The following RFC1 variants were observed in gnomAD, a reference collection of about 807,000 sequenced individuals.
RFC1 encodes replication factor C subunit 1, also known as A1 140 kDa subunit.
A neutral mutation model predicts 137.4 loss-of-function variants in RFC1; 37 were observed. The observed-to-expected ratio is 0.27, with a 90% CI of 0.21 to 0.35. The LOEUF (loss-of-function observed/expected upper bound fraction) is 0.35, where lower values mean the gene tolerates loss of function less well. RFC1 is among the 10% of genes least tolerant of loss of function. RFC1 has a pLI of 1.00. For synonymous variants in RFC1, 429 were observed against 455.7 expected (o/e 0.94, Z 0.75); for missense variants, 1,205 against 1,358.5 (o/e 0.89, Z 1.78).
chr4:39,335,498 AT>A (rs1209705815), intron 4 of RFC1, among the ~76,000 whole-genome samples: 1 of 152,230 alleles, frequency 6.6e-6, no homozygotes, highest in African/African-American at 2.4e-5. Context: ...TATTTTTAAA[AT>A]AAACCTTATT....
At chr4:39,313,521 T>C (rs1312850905) in intron 10 of RFC1, among the ~76,000 whole-genome samples, 2 of 152,206 alleles carry the variant, frequency 1.3e-5, no homozygotes, top group Non-Finnish European at 2.9e-5. Context: ...AAGAGCTAAG[T>C]AGGATCTTAA....
intron 4 of RFC1, among the ~76,000 whole-genome samples, chr4:39,342,004 CTTAGA>C: frequency 6.6e-6 from 1 of 152,274 alleles, no homozygotes; most frequent in East Asian, 1.9e-4. Context: ...TCACTCTACA[CTTAGA>C]TTATTGACTT....
intron 4 of RFC1, among the ~76,000 whole-genome samples, chr4:39,330,754 T>C (rs1333685322): frequency 6.6e-6 from 1 of 152,204 alleles, no homozygotes; most frequent in Non-Finnish European, 1.5e-5. Context: ...TCACTTCTCT[T>C]CAACTATAGT....
chr4:39,351,961 C>T (rs1330663877), intron 1 of RFC1, among the ~76,000 whole-genome samples: 3 of 133,818 alleles, frequency 2.2e-5, no homozygotes, highest in Non-Finnish European at 3.1e-5. Context: ...AGCAAGACTC[C>T]GTCTCAAAAA....
chr4:39,333,150 A>C (rs1334357840), intron 4 of RFC1, among the ~76,000 whole-genome samples: 1 of 152,226 alleles, frequency 6.6e-6, no homozygotes, highest in East Asian at 1.9e-4. Context: ...ATCTTCTGTA[A>C]AATGTTGGAC....
At chr4:39,320,148 A>G (rs551628076) in intron 9 of RFC1, among the ~76,000 whole-genome samples, 1 of 152,134 alleles carries the variant, frequency 6.6e-6, no homozygotes, top group South Asian at 2.1e-4. Context: ...TCGGGAGTTC[A>G]AGACCAGCCT....
At chr4:39,323,166 C>T in intron 7 of RFC1, 174 bp downstream of exon 7, 2 of 427,930 alleles carry the variant, frequency 4.7e-6, no homozygotes, top group Non-Finnish European at 4.1e-6. Flanking sequence ...TGCCGTCACC[C>T]TTCTTTTAAG....
At position 39,311,474 on chromosome 4, in the gene RFC1, A is replaced by C. The variant is rs753388385; in HGVS notation, c.1459T>G (p.Ser487Ala). Reference sequence around the variant, plus strand: ...GTTTCAACTGCTATTTCATACTTGGATTTCTTGCCTGGCATAGTCCGAATC... The same window carrying C: ...GTTTCAACTGCTATTTCATACTTGGCTTTCTTGCCTGGCATAGTCCGAATC... ...NLIRTMPGKK[S>A]KYEIAVETEM... The change falls in exon 12 of 25, where the codon TCC (serine) becomes GCC (alanine). Residue 487 changes from serine to alanine, a missense_variant. By Grantham distance (99) the Ser-to-Ala change is moderately conservative. Around this residue, in one of 3 missense-constraint regions of RFC1, gnomAD observed 962 missense variants for 1,035.3 expected, o/e 0.93. Coordinates refer to ENST00000349703, the MANE Select transcript of RFC1 (RefSeq NM_002913.5). 2 of 1,614,018 alleles carry C rather than the reference A, an allele frequency of 1.2e-6. No homozygotes were observed. The highest frequency in any genetic ancestry group is 2.2e-5 in the South Asian group (2 of 91,072).
intron 1 of RFC1, chr4:39,365,399 A>C (rs1346229829): frequency 1.1e-6 from 1 of 891,000 alleles, no homozygotes; most frequent in Non-Finnish European, 1.3e-6. Flanking sequence ...CTTCTAGCTT[A>C]ATGAACATTT....
At chr4:39,304,100 T>G (rs148779428) in intron 15 of RFC1, among the ~76,000 whole-genome samples, 14 of 152,256 alleles carry the variant, frequency 9.2e-5, no homozygotes, top group African/African-American at 3.4e-4. Context: ...CGTCTAAGAG[T>G]GACATTTCCT....
At chr4:39,334,982 A>G (rs1197627267) in intron 4 of RFC1, among the ~76,000 whole-genome samples, 1 of 152,184 alleles carries the variant, frequency 6.6e-6, no homozygotes, top group Non-Finnish European at 1.5e-5. Context: ...AATCTATTTA[A>G]AAGGCAAAAA....
chr4:39,290,099 C>T, intron 23 of RFC1, 60 bp from the exon 24 acceptor site: 1 of 1,275,884 alleles, frequency 7.8e-7, no homozygotes, highest in Non-Finnish European at 1.1e-6. Context: ...TTCTTTTAAA[C>T]TCTGTAAGCC....
chr4:39,302,864 C>A lies in RFC1; in HGVS notation c.2213G>T (p.Gly738Val). The A allele has an allele frequency of 6.3e-7, 1 of 1,577,056 alleles. No individual in the cohort carries two copies. The highest frequency in any genetic ancestry group is 8.6e-7 in the Non-Finnish European group (1 of 1,164,666). ...EDRGGIQELIGLIKHTKIPII... is the reference protein window; with the variant it reads ...EDRGGIQELIVLIKHTKIPII... ...GGGAATTTTAGTATGTTTTATCAGG[C>A]CAATTAATTCCTGAAAGGCAAGTTT... The change falls in exon 17 of 25, where the codon GGC (glycine) becomes GTC (valine). Residue 738 changes from glycine (G) to valine (V), a missense_variant. Gly to Val is a moderately radical substitution (Grantham distance 109, BLOSUM62 -3). Around this residue, in one of 3 missense-constraint regions of RFC1, gnomAD observed 962 missense variants for 1,035.3 expected, o/e 0.93. Transcript: ENST00000349703.
chr4:39,326,691 A>C (rs1339657901), intron 5 of RFC1, 51 bp from the exon 6 acceptor site: 2 of 1,456,420 alleles, frequency 1.4e-6, no homozygotes, highest in African/African-American at 1.4e-5. Context: ...TAAGTTAAAA[A>C]TAAGGCACTT....
rs55727769 is a variant in RFC1, at chr4:39,298,307, C to CAAA, written c.2808+1711_2808+1713dup. Among the ~76,000 whole-genome samples, 891 of 111,100 alleles carry CAAA rather than the reference C, an allele frequency of 8.0e-3. 68 individuals carry two copies. The highest frequency in any genetic ancestry group is 0.016 in the Middle Eastern group (3 of 188). 72.9% of individuals were successfully genotyped at this position (111,100 alleles called of 152,430 possible). On this transcript the variant is annotated intron_variant, in intron 21 of 24. Transcript: ENST00000349703. ...TGCCTGACAGAGTGAGACCTTGTCTCAAAAAAAAAAAAAAAAAAAAAAAAA... is the reference window on the plus strand; with the variant it reads ...TGCCTGACAGAGTGAGACCTTGTCTCAAAAAAAAAAAAAAAAAAAAAAAAAAAA...
intron 1 of RFC1, chr4:39,365,597 T>A: frequency 2.2e-6 from 1 of 457,308 alleles, no homozygotes; most frequent in Non-Finnish European, 2.9e-6. Context: ...ATGACAGCTG[T>A]CAAATGTCTT....
chr4:39,353,668 A>G (rs1297241648), intron 1 of RFC1, among the ~76,000 whole-genome samples: 1 of 152,212 alleles, frequency 6.6e-6, no homozygotes, highest in Non-Finnish European at 1.5e-5. Context: ...TTCTGGAGCA[A>G]ATGAGTTTCG....
chr4:39,295,383 T>C (rs1737928710), intron 22 of RFC1, among the ~76,000 whole-genome samples: 1 of 152,254 alleles, frequency 6.6e-6, no homozygotes, highest in Non-Finnish European at 1.5e-5. Context: ...TTATGACATC[T>C]ACCATTTTAT....
In RFC1 at chr4:39,351,292, A is replaced by G. The variant is rs570127069; in HGVS notation, c.132+56T>C. 9.5e-6 allele frequency: 8 copies of G among 842,140 alleles called. No homozygotes were observed. The African/African-American group carries it at 1.5e-4, about 15-fold the overall frequency. The allele number at this position is 842,140 out of a possible 1,614,324, so 52.2% of individuals were successfully genotyped here. The stretch of plus-strand genomic sequence containing the variant: ...AAAAAAAAAAAAAAAAAAACTTATA[A>G]GAACTGAGTTTATTTTACATTTCAT... On this transcript the variant is annotated intron_variant, in intron 2 of 24. Coordinates refer to ENST00000349703, the MANE Select transcript of RFC1 (RefSeq NM_002913.5).
Sources: gnomAD v4.1 joint callset for allele counts (sites outside exome capture counted in the v4.1 genomes callset) on GRCh38, gnomAD v4.1.1 for gene constraint, gnomAD v4.1.1 regional missense constraint, MANE v1.5 for transcripts, NCBI Gene and HGNC (gene_info 2026-07-23, HGNC 2026-07-21) for gene names.